The following DHRS9 variants were observed in gnomAD, a reference collection of about 807,000 sequenced individuals.
DHRS9 encodes dehydrogenase/reductase SDR family member 9.
In DHRS9, 18 loss-of-function variants were observed where a neutral mutation model predicts 26.6. The ratio of observed to expected loss-of-function variants is 0.68; its 90% CI spans 0.47 to 1.00. The LOEUF is 1.00. Among genes scored for constraint, DHRS9 ranks in the 50% least tolerant of loss-of-function variants. The pLI, the probability that DHRS9 is intolerant of heterozygous loss-of-function variation, is 0.00. For synonymous variants in DHRS9, 134 were observed against 141.1 expected, an observed-to-expected ratio of 0.95 and a Z score of 0.36; for missense variants, 425 against 378.7, an observed-to-expected ratio of 1.12 and a Z score of -1.01.
At chr2:169,079,729 C>A (rs1227302380) in intron 1 of DHRS9, among the ~76,000 whole-genome samples, 2 of 151,180 alleles carry the variant, frequency 1.3e-5, no homozygotes, top group Non-Finnish European at 2.9e-5. Context: ...GTAATGGTGG[C>A]AGGTGCTTGT....
upstream of DHRS9, among the ~76,000 whole-genome samples, chr2:169,068,155 A>G (rs910401444): frequency 2.0e-5 from 3 of 152,234 alleles, no homozygotes; most frequent in Non-Finnish European, 2.9e-5. Context: ...GCTCACAGGA[A>G]GGGTTCAGTA....
intron 1 of DHRS9, among the ~76,000 whole-genome samples, chr2:169,077,823 T>TC (rs1289771789): frequency 6.6e-6 from 1 of 152,106 alleles, no homozygotes; most frequent in Non-Finnish European, 1.5e-5. Context: ...TGGCTTCCCT[T>TC]CCCCCATTCC....
Position 169,095,764 on chromosome 2 carries a change from G to A in DHRS9, c.957G>A (p.Val319=), listed in dbSNP as rs1201747695. Residue 319 remains valine (V), a synonymous_variant, in exon 5 of 5, where the codon GTG becomes GTA. Transcript: ENST00000674881. The part of the protein sequence containing the change: ...QKAELANPKA[V] ...CAGAGCTGGCTAATCCCAAGGCAGT[G>A]TGACTCAGCTAACCACAAATGTCTC... The A allele has an allele frequency of 2.5e-6, 4 of 1,613,388 alleles. No homozygotes were observed. The highest frequency in any genetic ancestry group is 2.5e-6 in the Non-Finnish European group (3 of 1,179,738).
intron 1 of DHRS9, chr2:169,072,564 T>C (rs1683840259): frequency 1.0e-6 from 1 of 980,344 alleles, no homozygotes; most frequent in African/African-American, 1.8e-5. Flanking sequence ...CTATTTTAAC[T>C]TTTTTACTAG....
chr2:169,086,649 A>G (rs1400742421), intron 3 of DHRS9, among the ~76,000 whole-genome samples: 1 of 151,740 alleles, frequency 6.6e-6, no homozygotes, highest in Non-Finnish European at 1.5e-5. Flanking sequence ...CTTTCCAGGT[A>G]TTTGAAGGGA....
rs117394785 is a variant in DHRS9, at chr2:169,074,922, C to G, written c.-60+5205C>G. On this transcript the variant is annotated intron_variant, in intron 1 of 4. Transcript: ENST00000674881. ...TTTAATGTGAGTCCATTCTTAACAG[C>G]AAAATTTCCTCTTTGCTTGTCACCA... is the stretch of plus-strand genomic sequence containing the variant. 9.1e-4 allele frequency among the ~76,000 whole-genome samples: 138 copies of G among 152,242 alleles called. No homozygotes were observed. The East Asian group carries it at 0.015, about 17-fold the overall frequency.
At chr2:169,074,695 A>G (rs1015936240) in intron 1 of DHRS9, among the ~76,000 whole-genome samples, 14 of 152,074 alleles carry the variant, frequency 9.2e-5, no homozygotes, top group African/African-American at 2.9e-4. Context: ...CTAAAATATT[A>G]CTAGAGGTCA....
intron 1 of DHRS9, among the ~76,000 whole-genome samples, chr2:169,072,342 TG>T (rs1299388180): frequency 6.6e-6 from 1 of 152,218 alleles, no homozygotes; most frequent in East Asian, 1.9e-4. Flanking sequence ...TGACTAGCTT[TG>T]GTATCGCTTT....
At chr2:169,067,456 T>C (rs758788806), upstream of DHRS9, among the ~76,000 whole-genome samples, 2 of 152,196 alleles carry the variant, frequency 1.3e-5, no homozygotes, top group Non-Finnish European at 2.9e-5. Context: ...ATGGGAGGCA[T>C]ACAGATTCAG....
chr2:169,095,512 C>G, intron 4 of DHRS9, 32 bp from the exon 5 acceptor site: 1 of 1,572,022 alleles, frequency 6.4e-7, no homozygotes, highest in Non-Finnish European at 8.8e-7. Flanking sequence ...CCCCTTCTAC[C>G]AAAGAGTAAA....
chr2:169,088,517 A>G (rs1684422072), intron 3 of DHRS9, among the ~76,000 whole-genome samples: 1 of 152,158 alleles, frequency 6.6e-6, no homozygotes, highest in Non-Finnish European at 1.5e-5. Context: ...TTGCATGAAT[A>G]GTTGTTTAAT....
intron 3 of DHRS9, among the ~76,000 whole-genome samples, chr2:169,088,196 G>C (rs985754855): frequency 1.3e-5 from 2 of 152,198 alleles, no homozygotes; most frequent in Admixed American, 6.5e-5. Context: ...CCTCCGGCTA[G>C]GGCTGGTTTG....
chr2:169,095,571 C>T lies in DHRS9; in HGVS notation c.764C>T (p.Ser255Phe), dbSNP rs377629206. Residue 255 changes from serine (S) to phenylalanine (F), a missense_variant, in exon 5 of 5, where the codon TCC (serine) becomes TTC (phenylalanine). Physicochemically the swap from Ser to Phe is radical, Grantham distance 155 (BLOSUM62 -2). Transcript: ENST00000674881. Reference protein sequence around the residue: ...KSLDKLKGNKSYVNMDLSPVV... With the variant: ...KSLDKLKGNKFYVNMDLSPVV... ...CTAGACAAACTGAAAGGCAATAAAT[C>T]CTATGTGAACATGGACCTCTCTCCG... 3.1e-6 allele frequency: 5 copies of T among 1,613,766 alleles called. No individual in the cohort carries two copies. The African/African-American group carries it at 4.0e-5, about 13-fold the overall frequency.
At chr2:169,070,745 T>A (rs2105276560) in intron 1 of DHRS9, 1 of 985,422 alleles carries the variant, frequency 1.0e-6, no homozygotes, top group East Asian at 1.1e-4. Flanking sequence ...ATAACAAATG[T>A]CACTGTCTTA....
At chr2:169,092,062 G>A (rs1279171537) in intron 4 of DHRS9, 109 bp downstream of exon 4, 3 of 1,203,734 alleles carry the variant, frequency 2.5e-6, no homozygotes. Context: ...ACCCCAATAA[G>A]GATCTTAACC....
chr2:169,084,902 T>G (rs1284749654), intron 3 of DHRS9, among the ~76,000 whole-genome samples: 2 of 152,192 alleles, frequency 1.3e-5, no homozygotes, highest in Non-Finnish European at 2.9e-5. Flanking sequence ...AAGAAATCTT[T>G]GCCCAGCTAA....
chr2:169,083,622 A>G, intron 3 of DHRS9, 35 bp downstream of exon 3: 1 of 1,605,426 alleles, frequency 6.2e-7, no homozygotes, highest in Non-Finnish European at 8.5e-7. Flanking sequence ...AGGAAACAAT[A>G]GCTGCAAACG....
At chr2:169,092,014 G>A in intron 4 of DHRS9, 61 bp downstream of exon 4, 2 of 1,544,316 alleles carry the variant, frequency 1.3e-6, no homozygotes, top group African/African-American at 1.4e-5. Flanking sequence ...GCATGAAGGA[G>A]ATTCAAATAC....
upstream of DHRS9, chr2:169,067,200 G>T: frequency 6.5e-7 from 1 of 1,535,556 alleles, no homozygotes; most frequent in Non-Finnish European, 8.7e-7. Context: ...TCACCCTCCT[G>T]GTCAGCCTTA....
Sources: gnomAD v4.1 joint callset for allele counts (sites outside exome capture counted in the v4.1 genomes callset) on GRCh38, gnomAD v4.1.1 for gene constraint, MANE v1.5 for transcripts, NCBI Gene and HGNC (gene_info 2026-07-23, HGNC 2026-07-21) for gene names.